Variants in OGFOD1 observed in about 807,000 individuals in gnomAD.
OGFOD1 encodes the protein 2-oxoglutarate and iron dependent oxygenase domain containing 1.
In OGFOD1, 54 loss-of-function variants were observed where a neutral mutation model predicts 67.7. The observed-to-expected ratio is 0.80, with a 90% CI of 0.64 to 1.00. OGFOD1 has a LOEUF of 1.00. OGFOD1 is among the 50% of genes least tolerant of loss of function. OGFOD1 has a pLI of 0.00. For missense variants in OGFOD1, 606 were observed against 646.7 expected (o/e 0.94, Z 0.68); for synonymous variants, 221 against 227.0 (o/e 0.97, Z 0.24).
In OGFOD1 at chr16:56,467,275, C is replaced by G; in HGVS notation, c.768C>G (p.Ser256Arg). The stretch of plus-strand genomic sequence containing the variant: ...ACTTTGAACCCCCCATACCTCGGAG[C>G]CCTCACATCCCACAAGATGTAAGAA... ...PNYFEPPIPR[S>R]PHIPQDHEIL... The change falls in exon 7 of 13, where the codon AGC becomes AGG. Residue 256 changes from serine to arginine, a missense_variant. By Grantham distance (110) the Ser-to-Arg change is moderately radical. Coordinates refer to ENST00000566157, the MANE Select transcript of OGFOD1 (RefSeq NM_018233.4). 1 of 1,614,140 alleles carries G rather than the reference C, an allele frequency of 6.2e-7. No individual in the cohort carries two copies. The highest frequency in any genetic ancestry group is 1.1e-5 in the South Asian group (1 of 91,074).
intron 9 of OGFOD1, 40 bp from the exon 10 acceptor site, chr16:56,470,447 C>T: frequency 1.3e-6 from 2 of 1,537,818 alleles, no homozygotes; most frequent in Non-Finnish European, 1.8e-6. Flanking sequence ...CATTTTACAT[C>T]TGTGGCTTTG....
chr16:56,476,081 T>C lies in OGFOD1; in HGVS notation c.1505T>C (p.Leu502Ser). The change falls in exon 13 of 13, where the codon TTG becomes TCG. Residue 502 changes from leucine (L) to serine (S), a missense_variant. Transcript: ENST00000566157. ...TVNPESNSLALVYRDRETLKF... is the reference protein window; with the variant it reads ...TVNPESNSLASVYRDRETLKF... ...AATCCAGAAAGCAATTCTTTGGCAT[T>C]GGTCTACAGAGACAGAGAGACTCTG... is the stretch of plus-strand genomic sequence containing the variant. 1 of 1,613,290 alleles carries C rather than the reference T, an allele frequency of 6.2e-7. No individual in the cohort carries two copies. The highest frequency in any genetic ancestry group is 8.5e-7 in the Non-Finnish European group (1 of 1,179,748).
chr16:56,466,183 A>G lies in OGFOD1; in HGVS notation c.480A>G (p.Glu160=). Residue 160 remains glutamate (E), a synonymous_variant, in exon 5 of 13, where the codon GAA becomes GAG. Transcript: ENST00000566157. ...DALLCHDDEL[E]GRRIAFILYL... ...TGCTGTGCCATGATGATGAGCTGGA[A>G]GGGCGCCGGATTGCCTTCATCCTGT... 1 of 1,614,000 alleles carries G rather than the reference A, an allele frequency of 6.2e-7. No individual in the cohort carries two copies. The highest frequency in any genetic ancestry group is 8.5e-7 in the Non-Finnish European group (1 of 1,179,892).
Position 56,474,958 on chromosome 16 carries a change from G to A in OGFOD1, c.1408+8G>A. The A allele has an allele frequency of 1.9e-6, 3 of 1,613,084 alleles. No homozygotes were observed. Among genetic ancestry groups the A allele is most frequent in the Non-Finnish European group, 2.5e-6 (3 of 1,179,542 alleles). On this transcript the variant is annotated splice_region_variant and intron_variant, in intron 11 of 12. Transcript: ENST00000566157. ...TGTACTGTGGCTGTGAAGGTAAGAG[G>A]GAGGAAAGCAAGCGGTGGATTATTC...
chr16:56,457,926 C>T (rs2143978779), intron 2 of OGFOD1, among the ~76,000 whole-genome samples: 1 of 152,326 alleles, frequency 6.6e-6, no homozygotes, highest in Non-Finnish European at 1.5e-5. Context: ...GATCTGCCCG[C>T]CTCGGCCTCC....
In OGFOD1 at chr16:56,476,101, A is replaced by G. The variant is rs145365661; in HGVS notation, c.1525A>G (p.Thr509Ala). 46 of 1,613,448 alleles carry G rather than the reference A, an allele frequency of 2.9e-5. No homozygotes were observed. The highest frequency in any genetic ancestry group is 3.7e-5 in the Non-Finnish European group (44 of 1,179,534). The stretch of plus-strand genomic sequence containing the variant: ...GGCATTGGTCTACAGAGACAGAGAG[A>G]CTCTGAAATTTGTCAAGCATATTAA... ...SLALVYRDRE[T>A]LKFVKHINHR... The change falls in exon 13 of 13, where the codon ACT becomes GCT. Residue 509 changes from threonine (T) to alanine (A), a missense_variant. Transcript: ENST00000566157.
chr16:56,451,666 A>G lies in OGFOD1; in HGVS notation c.54A>G (p.Gly18=). The G allele has an allele frequency of 6.2e-7, 1 of 1,613,944 alleles. No individual in the cohort carries two copies. Among genetic ancestry groups the G allele is most frequent in the Non-Finnish European group, 8.5e-7 (1 of 1,179,946 alleles). ...EPGPARVGKK[G]KKEVMAEFSD... The stretch of plus-strand genomic sequence containing the variant: ...GCCCAGCCCGGGTGGGAAAAAAGGG[A>G]AAGAAGGAGGTGATGGCGGAGTTTT... Residue 18 remains glycine, a synonymous_variant, in exon 1 of 13, where the codon GGA becomes GGG. Transcript: ENST00000566157.
intron 5 of OGFOD1, among the ~76,000 whole-genome samples, 172 bp downstream of exon 5, chr16:56,466,440 C>T (rs780166404): frequency 6.6e-6 from 1 of 152,194 alleles, no homozygotes; most frequent in African/African-American, 2.4e-5. Flanking sequence ...TGACAACCAC[C>T]TCTTTAAGTT....
chr16:56,466,502 T>A (rs1447948022), intron 5 of OGFOD1, among the ~76,000 whole-genome samples: 1 of 152,154 alleles, frequency 6.6e-6, no homozygotes, highest in African/African-American at 2.4e-5. Flanking sequence ...AGATGAGAAA[T>A]AGTCAGACCA....
At position 56,478,012 on chromosome 16, in the gene OGFOD1, G is replaced by A. The variant is rs1963552398; in HGVS notation, c.*1807G>A. 6.6e-6 allele frequency: 1 copy of A among 152,152 alleles called. No homozygotes were observed. Among genetic ancestry groups the A allele is most frequent in the African/African-American group, 2.4e-5 (1 of 41,436 alleles). 9.4% of individuals were successfully genotyped at this position (152,152 alleles called of 1,614,324 possible). ...ATGGATATTTATATATTTTACACATGTAGTAATATTATTTCTATAACTTAC... is the reference window on the plus strand; with the variant it reads ...ATGGATATTTATATATTTTACACATATAGTAATATTATTTCTATAACTTAC... On this transcript the variant is annotated 3_prime_UTR_variant, in exon 13 of 13. Transcript: ENST00000566157.
chr16:56,471,469 G>T (rs576815777), intron 10 of OGFOD1, among the ~76,000 whole-genome samples: 1 of 152,106 alleles, frequency 6.6e-6, no homozygotes, highest in Non-Finnish European at 1.5e-5. Flanking sequence ...GAATATAACA[G>T]CCTAAGAATT....
rs1382726528 is a variant in OGFOD1 at position 56,476,331 on chromosome 16, T to C, written c.*126T>C. On this transcript the variant is annotated 3_prime_UTR_variant, in exon 13 of 13. Coordinates refer to ENST00000566157, the MANE Select transcript of OGFOD1 (RefSeq NM_018233.4). ...CTGACAGTGTTCTTAAAACTGGTTG[T>C]CTTTTACTAGGACTCATAATGATTG... 2 of 818,780 alleles carry C rather than the reference T, an allele frequency of 2.4e-6. No homozygotes were observed. The highest frequency in any genetic ancestry group is 3.7e-6 in the Non-Finnish European group (2 of 535,624). The allele number at this position is 818,780 out of a possible 1,614,324, so 50.7% of individuals were successfully genotyped here.
Position 56,465,446 on chromosome 16 carries a change from C to T in OGFOD1, c.449-706C>T, listed in dbSNP as rs569860413. ...ACTCCCTTCTTGAACAGTGAGAAAC[C>T]TGGCTTCCATTATCTTCAATGTATT... On this transcript the variant is annotated intron_variant, in intron 4 of 12. Coordinates refer to ENST00000566157, the MANE Select transcript of OGFOD1 (RefSeq NM_018233.4). 3.5e-3 allele frequency among the ~76,000 whole-genome samples: 540 copies of T among 152,288 alleles called. 6 individuals are homozygous for T. Among genetic ancestry groups the T allele is most frequent in the African/African-American group, 0.012 (502 of 41,566 alleles).
chr16:56,460,821 C>T (rs550378812), intron 3 of OGFOD1, among the ~76,000 whole-genome samples: 11 of 152,240 alleles, frequency 7.2e-5, no homozygotes, highest in East Asian at 3.9e-4. Context: ...TCTTTGTAAG[C>T]GTAACTTGAA....
chr16:56,455,855 CATAACAAAA>C (rs1962506672), intron 2 of OGFOD1, among the ~76,000 whole-genome samples: 1 of 151,654 alleles, frequency 6.6e-6, no homozygotes, highest in African/African-American at 2.4e-5. Context: ...TTCCCTTCAA[CATAACAAAA>C]AGAAAAAAAA....
rs1166177963 is a variant in OGFOD1, at chr16:56,470,778, T to C, written c.1272T>C (p.Asn424=). Residue 424 remains asparagine, a synonymous_variant, in exon 10 of 13, where the codon AAT becomes AAC. Coordinates refer to ENST00000566157, the MANE Select transcript of OGFOD1 (RefSeq NM_018233.4). The stretch of plus-strand genomic sequence containing the variant: ...AGACAGACCCAGAGCCAGAGGAAAA[T>C]GAAACAAAGAAAGGTAAGCTGTTGT... ...NEQTDPEPEE[N]ETKKESSVPM... is the part of the protein sequence containing the mutation. The C allele has an allele frequency of 2.5e-6, 4 of 1,593,914 alleles. No individual in the cohort carries two copies. The East Asian group carries it at 9.0e-5, about 36-fold the overall frequency.
chr16:56,456,852 T>C (rs1962539113), intron 2 of OGFOD1, among the ~76,000 whole-genome samples: 1 of 152,202 alleles, frequency 6.6e-6, no homozygotes, highest in Non-Finnish European at 1.5e-5. Flanking sequence ...TCGATGATGC[T>C]GAAACAACAA....
Position 56,476,193 on chromosome 16 carries a change from C to T in OGFOD1, c.1617C>T (p.Ile539=). ...NRTGFWDFSF[I]YYE is the part of the protein sequence containing the mutation. ...CAGGTTTCTGGGACTTTTCATTCAT[C>T]TATTATGAATGACAGCACTGGGCAA... The change falls in exon 13 of 13, where the codon ATC becomes ATT. Residue 539 remains isoleucine (I), a synonymous_variant. Transcript: ENST00000566157. 2 of 1,611,486 alleles carry T rather than the reference C, an allele frequency of 1.2e-6. No individual in the cohort carries two copies. Among genetic ancestry groups the T allele is most frequent in the African/African-American group, 1.3e-5 (1 of 74,848 alleles).
intron 6 of OGFOD1, 36 bp downstream of exon 6, chr16:56,467,003 T>G (rs1962931185): frequency 6.4e-7 from 1 of 1,550,692 alleles, no homozygotes. Context: ...GTAGCAAGGA[T>G]TATGTTTTTT....
Sources: allele counts gnomAD v4.1 joint callset (sites outside exome capture counted in the v4.1 genomes callset), GRCh38; gene constraint gnomAD v4.1.1; transcripts MANE v1.5; gene names NCBI Gene and HGNC (gene_info 2026-07-23, HGNC 2026-07-21).